The following NRG1 variants were observed in gnomAD, a reference collection of about 807,000 sequenced individuals.
The protein encoded by NRG1 is neuregulin 1.
A neutral mutation model predicts 63.8 loss-of-function variants in NRG1; 18 were observed. That is an observed-to-expected ratio of 0.28 (90% confidence interval 0.19 to 0.42). The LOEUF (loss-of-function observed/expected upper bound fraction) is 0.42, where lower values mean the gene tolerates loss of function less well. NRG1 is among the 10% of genes least tolerant of loss of function. The probability of loss-of-function intolerance (pLI) is 1.00; values close to 1 mark genes in which losing one functional copy is unlikely to be tolerated. For missense variants in NRG1, 762 were observed against 814.7 expected (o/e 0.94, Z 0.79); for synonymous variants, 302 against 301.3 (o/e 1.00, Z -0.02).
chr8:31,754,298 A>C (rs555887366), intron 1 of NRG1, among the ~76,000 whole-genome samples: 16 of 152,212 alleles, frequency 1.1e-4, no homozygotes, highest in African/African-American at 3.1e-4. Context: ...TGAGTTTCTC[A>C]TGAAGAGTTT....
chr8:32,331,400 A>G (rs963896017), intron 1 of NRG1, among the ~76,000 whole-genome samples: 2 of 149,310 alleles, frequency 1.3e-5, no homozygotes, highest in Non-Finnish European at 3.0e-5. Context: ...GTGTGGTGAT[A>G]TGCCCCTGTT....
At chr8:32,503,011 C>A (rs368169011) in intron 1 of NRG1, among the ~76,000 whole-genome samples, 4 of 152,052 alleles carry the variant, frequency 2.6e-5, no homozygotes, top group African/African-American at 9.6e-5. Context: ...AGTAGCCGGG[C>A]GCAGTGGCTC....
intron 1 of NRG1, among the ~76,000 whole-genome samples, chr8:31,921,105 A>G (rs1833874992): frequency 6.6e-6 from 1 of 152,210 alleles, no homozygotes; most frequent in Non-Finnish European, 1.5e-5. Context: ...CAAAATTACA[A>G]TATGCAATAC....
chr8:31,763,891 A>G (rs1817795936), intron 1 of NRG1, among the ~76,000 whole-genome samples: 2 of 151,856 alleles, frequency 1.3e-5, no homozygotes, highest in African/African-American at 2.4e-5. Flanking sequence ...CAGAGCTTGC[A>G]GTGAGCCAAG....
intron 1 of NRG1, among the ~76,000 whole-genome samples, chr8:32,151,430 G>A (rs1476227333): frequency 6.6e-6 from 1 of 152,114 alleles, no homozygotes; most frequent in African/African-American, 2.4e-5. Context: ...TCTTAGCAAA[G>A]GATTCTGCAA....
chr8:32,547,814 G>A (rs1344656761), upstream of NRG1, among the ~76,000 whole-genome samples: 2 of 152,184 alleles, frequency 1.3e-5, no homozygotes, highest in Non-Finnish European at 2.9e-5. Context: ...TTCTGGGAAA[G>A]CCACCAACGT....
At chr8:32,699,918 A>G (rs914654938) in intron 5 of NRG1, among the ~76,000 whole-genome samples, 24 of 152,336 alleles carry the variant, frequency 1.6e-4, no homozygotes, top group African/African-American at 5.5e-4. Flanking sequence ...GTTATTGACA[A>G]CTTTATTAAA....
At chr8:31,768,143 A>AT (rs375924747) in intron 1 of NRG1, among the ~76,000 whole-genome samples, 18 of 151,836 alleles carry the variant, frequency 1.2e-4, no homozygotes, top group African/African-American at 2.7e-4. Context: ...AAGGAGTTAT[A>AT]TTTTTTTTAC....
At chr8:32,114,719 A>G (rs1200083283) in intron 1 of NRG1, among the ~76,000 whole-genome samples, 2 of 152,130 alleles carry the variant, frequency 1.3e-5, no homozygotes, top group Non-Finnish European at 2.9e-5. Context: ...ACAAAGAGCT[A>G]TAGGTCATGT....
chr8:32,346,981 C>T (rs1191093391), intron 1 of NRG1, among the ~76,000 whole-genome samples: 1 of 152,014 alleles, frequency 6.6e-6, no homozygotes, highest in East Asian at 1.9e-4. Flanking sequence ...AGGCTCCTGC[C>T]ACCACGCCTG....
At chr8:32,632,549 C>CA (rs5890673) in intron 5 of NRG1, among the ~76,000 whole-genome samples, 67,625 of 109,750 alleles carry the variant, frequency 0.62, 19,430 homozygotes, top group East Asian at 0.77. Context: ...AACTCCATCT[C>CA]AAAAAAAAAA....
intron 1 of NRG1, among the ~76,000 whole-genome samples, chr8:32,135,837 G>A (rs904480463): frequency 1.1e-4 from 16 of 152,000 alleles, no homozygotes; most frequent in Non-Finnish European, 2.4e-4. Flanking sequence ...AGATATGAAA[G>A]AGAAGGACAG....
intron 1 of NRG1, among the ~76,000 whole-genome samples, chr8:31,641,380 T>C (rs1297621442): frequency 1.3e-5 from 2 of 151,696 alleles, no homozygotes; most frequent in African/African-American, 4.8e-5. Context: ...GTTTTCACAA[T>C]ATTTTGGTTT....
intron 1 of NRG1, among the ~76,000 whole-genome samples, chr8:31,848,436 G>A (rs1217039660): frequency 6.6e-6 from 1 of 152,086 alleles, no homozygotes; most frequent in Non-Finnish European, 1.5e-5. Flanking sequence ...GGCTCCCATT[G>A]GTGTGAATTG....
intron 1 of NRG1, among the ~76,000 whole-genome samples, chr8:32,145,576 C>T (rs1340793394): frequency 6.6e-6 from 1 of 152,172 alleles, no homozygotes; most frequent in African/African-American, 2.4e-5. Flanking sequence ...TCAACTAGTG[C>T]TCTACTTATG....
chr8:32,450,940 G>A (rs575659122), intron 1 of NRG1, among the ~76,000 whole-genome samples: 1 of 152,134 alleles, frequency 6.6e-6, no homozygotes, highest in African/African-American at 2.4e-5. Context: ...CCATTTGAAG[G>A]AAAATTTGGA....
chr8:31,811,359 A>G (rs954739017), intron 1 of NRG1, among the ~76,000 whole-genome samples: 12 of 152,172 alleles, frequency 7.9e-5, no homozygotes, highest in Non-Finnish European at 5.9e-5. Flanking sequence ...TACTAAGCCC[A>G]TTACTTATAT....
chr8:32,432,559 G>C (rs1818277571), intron 1 of NRG1, among the ~76,000 whole-genome samples: 1 of 152,066 alleles, frequency 6.6e-6, no homozygotes, highest in Non-Finnish European at 1.5e-5. Flanking sequence ...TGTCACCCAG[G>C]CTGGAGTTCA....
chr8:32,291,492 T>C (rs966337233), intron 1 of NRG1, among the ~76,000 whole-genome samples: 2 of 151,968 alleles, frequency 1.3e-5, no homozygotes, highest in South Asian at 4.2e-4. Flanking sequence ...CTTGAGCCTA[T>C]TAATCCTAAA....
Sources: allele counts gnomAD v4.1 joint callset (sites outside exome capture counted in the v4.1 genomes callset), GRCh38; gene constraint gnomAD v4.1.1; transcripts MANE v1.5; gene names NCBI Gene and HGNC (gene_info 2026-07-23, HGNC 2026-07-21).